The following TMPRSS9 variants were observed in gnomAD, a reference collection of about 807,000 sequenced individuals.
TMPRSS9 encodes the protein transmembrane serine protease 9, also known as transmembrane protease serine 9.
Under a neutral mutation model 111.4 loss-of-function variants are expected in TMPRSS9, and 113 were observed. That is an observed-to-expected ratio of 1.01 (90% CI 0.87 to 1.19). The LOEUF is 1.19. Ranked by LOEUF, TMPRSS9 falls within the 50% of genes most tolerant of loss-of-function variation. The pLI, the probability that TMPRSS9 is intolerant of heterozygous loss-of-function variation, is 0.00. For missense variants in TMPRSS9, 1,803 were observed against 1,513.1 expected (o/e 1.19, Z -3.18); for synonymous variants, 805 against 659.1 (o/e 1.22, Z -3.39).
At chr19:2,426,170 C>A in exon 18 of TMPRSS9, 1 of 1,148,156 alleles carries the variant, frequency 8.7e-7, no homozygotes, top group Non-Finnish European at 1.1e-6. Context: ...CCCACCGTAC[C>A]CTACCCAAGG....
intron 1 of TMPRSS9, among the ~76,000 whole-genome samples, chr19:2,375,882 T>G (rs1970329761): frequency 6.6e-6 from 1 of 152,184 alleles, no homozygotes; most frequent in African/African-American, 2.4e-5. Context: ...ATTGCCTTGC[T>G]GGGACTCCTG....
chr19:2,414,296 G>C, intron 10 of TMPRSS9: 1 of 285,614 alleles, frequency 3.5e-6, no homozygotes. Flanking sequence ...CTGGAGTGCA[G>C]TGGCGTGATC....
intron 1 of TMPRSS9, among the ~76,000 whole-genome samples, chr19:2,366,935 A>G (rs1340956456): frequency 6.6e-6 from 1 of 151,472 alleles, no homozygotes; most frequent in African/African-American, 2.4e-5. Flanking sequence ...AGCCACTTCA[A>G]AGCTGGTGTC....
chr19:2,374,619 CTTTG>C (rs972349774), intron 1 of TMPRSS9, among the ~76,000 whole-genome samples: 4 of 151,988 alleles, frequency 2.6e-5, no homozygotes, highest in Admixed American at 6.6e-5. Context: ...AAAACAGGGT[CTTTG>C]TTTGAGACCC....
At chr19:2,413,981 C>T (rs772024675) in exon 10 of TMPRSS9, 15 of 1,606,928 alleles carry the variant, frequency 9.3e-6, no homozygotes, top group Middle Eastern at 1.7e-4. Context: ...CCCTCAGTAC[C>T]GTGCCTCTTG....
intron 1 of TMPRSS9, among the ~76,000 whole-genome samples, chr19:2,395,918 GA>G (rs1970696746): frequency 6.6e-6 from 1 of 152,180 alleles, no homozygotes; most frequent in Non-Finnish European, 1.5e-5. Context: ...TGAGGCAGGA[GA>G]ATGGCATGAA....
At position 2,423,992 on chromosome 19, in the gene TMPRSS9, G is replaced by A. The variant is rs987025563; in HGVS notation, c.2549-97G>A. 3.3e-6 allele frequency: 4 copies of A among 1,215,810 alleles called. No homozygotes were observed. The African/African-American group carries it at 4.7e-5, about 14-fold the overall frequency. The allele number at this position is 1,215,810 out of a possible 1,614,324, so 75.3% of individuals were successfully genotyped here. A position where few individuals can be genotyped will look rare whatever the true frequency, so the allele number is the denominator to read the frequency against. On this transcript the variant is annotated intron_variant, in intron 14 of 17. Coordinates refer to ENST00000648592, the Ensembl canonical transcript of TMPRSS9. ...TCCCCCATCACAACCTACTCCCTGG[G>A]GCTCCCAGGGGGATTCGTGGAGAGG... is the stretch of plus-strand genomic sequence containing the variant.
chr19:2,424,538 C>G (rs1366368179), intron 15 of TMPRSS9, among the ~76,000 whole-genome samples: 2 of 139,088 alleles, frequency 1.4e-5, no homozygotes, highest in Non-Finnish European at 3.2e-5. Context: ...GCTGCGGCCC[C>G]CCCCCTCCAG....
In TMPRSS9 at chr19:2,402,121, G is replaced by C. The variant is rs142045365; in HGVS notation, c.556+105G>C. ...GAATCCCTGGAACGAGGCTGGGCGC[G>C]GTGGCTCACATCTGTCGTCCCAGCA... On this transcript the variant is annotated intron_variant, in intron 5 of 17. Transcript: ENST00000648592. The C allele has an allele frequency of 1.0e-5, 12 of 1,146,720 alleles. No homozygotes were observed. In the African/African-American group the frequency reaches 1.8e-4, roughly 17 times the overall value. 71.0% of individuals were successfully genotyped at this position (1,146,720 alleles called of 1,614,324 possible).
chr19:2,422,059 C>T lies in TMPRSS9; in HGVS notation c.2360C>T (p.Thr787Ile), dbSNP rs1310937692. 2.5e-6 allele frequency: 4 copies of T among 1,611,658 alleles called. No individual in the cohort carries two copies. The highest frequency in any genetic ancestry group is 2.5e-6 in the Non-Finnish European group (3 of 1,179,112). The stretch of plus-strand genomic sequence containing the variant: ...CCCTCGACCACAAGGATGCTGGCCA[C>T]CACCAGCCCCAGGACGACAGCTGGC... The change falls in exon 14 of 18, where the codon ACC becomes ATC. Residue 787 changes from threonine (T) to isoleucine (I), a missense_variant. Thr to Ile is a moderately conservative substitution (Grantham distance 89). Coordinates refer to ENST00000648592, the Ensembl canonical transcript of TMPRSS9.
chr19:2,385,349 C>T (rs967784678), upstream of TMPRSS9, among the ~76,000 whole-genome samples: 5 of 152,166 alleles, frequency 3.3e-5, no homozygotes, highest in Non-Finnish European at 7.4e-5. Context: ...CTTAGGGATC[C>T]ATGCGACACA....
chr19:2,421,138 G>T (rs942410800), intron 13 of TMPRSS9, among the ~76,000 whole-genome samples: 16 of 151,730 alleles, frequency 1.1e-4, no homozygotes, highest in Non-Finnish European at 2.2e-4. Context: ...CCCAGGAGGT[G>T]GAGGTTGCAG....
chr19:2,370,719 C>A (rs1220848324), intron 1 of TMPRSS9, among the ~76,000 whole-genome samples: 1 of 152,130 alleles, frequency 6.6e-6, no homozygotes, highest in African/African-American at 2.4e-5. Context: ...CTTTCTTTTG[C>A]TTTTGCTTTC....
rs765589281 is a variant in TMPRSS9, at chr19:2,389,773, G to A, written c.-13G>A. 1.3e-5 allele frequency: 21 copies of A among 1,608,488 alleles called. No homozygotes were observed. In the Admixed American group the frequency reaches 2.8e-4, roughly 22 times the overall value. ...GTGTGGCATCCAGCTCGCTGTCTGC[G>A]TGTCTCTGAGCCATGGAGCCCACTG... On this transcript the variant is annotated 5_prime_UTR_variant, in exon 1 of 18. The change creates a new upstream start codon in the 5' untranslated region. Transcript: ENST00000648592.
chr19:2,374,246 ATCTTTTTTTT>A (rs1970312364), intron 1 of TMPRSS9, among the ~76,000 whole-genome samples: 1 of 110,520 alleles, frequency 9.0e-6, no homozygotes, highest in Non-Finnish European at 1.9e-5. Context: ...TCTCTCAACA[ATCTTTTTTTT>A]TTTTTTTTTT....
chr19:2,366,774 G>T (rs1025643222), intron 1 of TMPRSS9, among the ~76,000 whole-genome samples: 1 of 146,630 alleles, frequency 6.8e-6, no homozygotes. Flanking sequence ...GGAGAATGGC[G>T]TGAACCCAGG....
intron 4 of TMPRSS9, among the ~76,000 whole-genome samples, chr19:2,399,513 T>A (rs945158833): frequency 6.6e-6 from 1 of 151,738 alleles, no homozygotes; most frequent in African/African-American, 2.4e-5. Context: ...GAGGCGGAGG[T>A]TGCAGTGAGC....
At chr19:2,396,220 G>T in intron 1 of TMPRSS9, 1 of 253,658 alleles carries the variant, frequency 3.9e-6, no homozygotes, top group Non-Finnish European at 7.5e-6. Context: ...GCATGAGCAG[G>T]ACCTCTTTCT....
rs537024036 is a variant in TMPRSS9, at chr19:2,403,776, G to A, written c.670+581G>A. 7.9e-5 allele frequency among the ~76,000 whole-genome samples: 12 copies of A among 151,860 alleles called. 1 individual carries two copies. The highest frequency in any genetic ancestry group is 4.1e-4 in the South Asian group (2 of 4,820). ...TGGGAGGCTGAGGCAGGTAGATCAC[G>A]AGGTCAGGAGATCGAGACCATCGTG... On this transcript the variant is annotated intron_variant, in intron 6 of 17. Transcript: ENST00000648592.
Sources: gnomAD v4.1 joint callset for allele counts (sites outside exome capture counted in the v4.1 genomes callset) on GRCh38, gnomAD v4.1.1 for gene constraint, MANE v1.5 for transcripts, NCBI Gene and HGNC (gene_info 2026-07-23, HGNC 2026-07-21) for gene names.